STAT5B: variants seen among roughly 807,000 people sequenced by gnomAD.
STAT5B encodes the protein transcription factor STAT5B.
STAT5B carries 21 observed loss-of-function variants against 107.8 expected under a neutral mutation model. That is an observed-to-expected ratio of 0.19 (90% CI 0.14 to 0.28). The LOEUF is 0.28. STAT5B is among the 10% of genes least tolerant of loss of function. The pLI, the probability that STAT5B is intolerant of heterozygous loss-of-function variation, is 1.00. For missense variants in STAT5B, 565 were observed against 1,008.2 expected (o/e 0.56, Z 5.95); for synonymous variants, 325 against 401.7 (o/e 0.81, Z 2.28).
intron 1 of STAT5B, 53 bp from the exon 2 acceptor site, chr17:42,232,190 C>A: frequency 1.9e-6 from 3 of 1,592,930 alleles, no homozygotes; most frequent in Non-Finnish European, 2.6e-6. Flanking sequence ...TTTCCCCTTA[C>A]ATCCACCAGA....
intron 1 of STAT5B, among the ~76,000 whole-genome samples, chr17:42,257,980 T>C (rs1179340315): frequency 6.6e-6 from 1 of 152,226 alleles, no homozygotes; most frequent in Admixed American, 6.5e-5. Flanking sequence ...TTATAATGAA[T>C]TTTAAATCAA....
intron 13 of STAT5B, among the ~76,000 whole-genome samples, chr17:42,211,497 ACT>A (rs1198551075): frequency 2.6e-5 from 4 of 151,722 alleles, no homozygotes; most frequent in Non-Finnish European, 5.9e-5. Context: ...CAAGAGCGAA[ACT>A]CTGTCTCAAA....
chr17:42,230,870 C>T (rs1333833892), intron 2 of STAT5B, among the ~76,000 whole-genome samples: 2 of 152,012 alleles, frequency 1.3e-5, no homozygotes, highest in East Asian at 3.9e-4. Context: ...CCATGTTGGC[C>T]AGGCTTGTCT....
chr17:42,268,447 G>A (rs1344738478), intron 1 of STAT5B: 4 of 152,074 alleles, frequency 2.6e-5, no homozygotes, highest in Admixed American at 6.6e-5. Context: ...TGACAAAATC[G>A]CCTAATGCAT....
At chr17:42,208,153 A>G (rs1214647185) in intron 15 of STAT5B, among the ~76,000 whole-genome samples, 1 of 151,974 alleles carries the variant, frequency 6.6e-6, no homozygotes, top group Non-Finnish European at 1.5e-5. Context: ...CAGCCTCCCA[A>G]AGTGCTGGGA....
chr17:42,227,535 C>T lies in STAT5B; in HGVS notation c.279G>A (p.Gln93=). Residue 93 remains glutamine, a synonymous_variant, in exon 3 of 19, where the codon CAG becomes CAA. Transcript: ENST00000293328. ...CCCCAGAGCCCACACCCACCTGGAGCTGTGTGGCATAGTGCCCCAGCTTGA... is the reference window on the plus strand; with the variant it reads ...CCCCAGAGCCCACACCCACCTGGAGTTGTGTGGCATAGTGCCCCAGCTTGA... ...LKIKLGHYAT[Q]LQNTYDRCPM... 1 of 1,613,268 alleles carries T rather than the reference C, an allele frequency of 6.2e-7. No individual in the cohort carries two copies. The highest frequency in any genetic ancestry group is 8.5e-7 in the Non-Finnish European group (1 of 1,179,844).
upstream of STAT5B, among the ~76,000 whole-genome samples, chr17:42,278,533 T>G (rs952490953): frequency 6.6e-6 from 1 of 152,038 alleles, no homozygotes; most frequent in African/African-American, 2.4e-5. Flanking sequence ...TTTATTTTTA[T>G]TTTTTGGAGA....
rs1207609976 is a variant in STAT5B at position 42,216,065 on chromosome 17, C to T, written c.1422G>A (p.Gln474=). The stretch of plus-strand genomic sequence containing the variant: ...GAACAGTGGCCGTCGCATTGTTGTC[C>T]TGGCTGCCATGAACGATCACCACCA... ...LPVVVIVHGS[Q]DNNATATVLW... Residue 474 remains glutamine, a synonymous_variant, in exon 12 of 19, where the codon CAG becomes CAA. Transcript: ENST00000293328. 4 of 1,613,948 alleles carry T rather than the reference C, an allele frequency of 2.5e-6. No homozygotes were observed. The highest frequency in any genetic ancestry group is 2.5e-6 in the Non-Finnish European group (3 of 1,179,978).
At chr17:42,271,684 A>C (rs547209650) in intron 1 of STAT5B, 1 of 152,338 alleles carries the variant, frequency 6.6e-6, no homozygotes, top group African/African-American at 2.4e-5. Context: ...AGAAAAAGAT[A>C]AATGTTCTTC....
At chr17:42,243,414 T>C (rs556156626) in intron 1 of STAT5B, among the ~76,000 whole-genome samples, 26 of 152,280 alleles carry the variant, frequency 1.7e-4, no homozygotes, top group Non-Finnish European at 2.4e-4. Flanking sequence ...ATATTAGATA[T>C]TACTTTATCA....
intron 2 of STAT5B, among the ~76,000 whole-genome samples, chr17:42,229,338 C>T (rs1176992863): frequency 1.8e-4 from 27 of 151,504 alleles, no homozygotes; most frequent in Non-Finnish European, 4.4e-5. Context: ...TTAATAGAGA[C>T]GGGGTTTTAC....
At chr17:42,218,935 G>A (rs2080198769) in intron 7 of STAT5B, 57 bp from the exon 8 acceptor site, 3 of 1,613,308 alleles carry the variant, frequency 1.9e-6, no homozygotes, top group South Asian at 1.1e-5. Context: ...ACAGACGCCA[G>A]GCCCCAAGAC....
intron 16 of STAT5B, among the ~76,000 whole-genome samples, chr17:42,206,241 C>T (rs1245242879): frequency 6.6e-6 from 1 of 152,070 alleles, no homozygotes. Context: ...AGGCGCCCAC[C>T]ACCACACCTG....
rs1210899470 is a variant in STAT5B at position 42,221,966 on chromosome 17, TGTGTGGTGTGTGTGTGCTGTGTGTG to T, written c.550+1391_550+1415del. Reference sequence around the variant, plus strand: ...GTATGTGTGGTGTGTGTGTGTGCTATGTGTGGTGTGTGTGTGCTGTGTGTGGTGTGGTGTGTGTGTGCTGTGTGTG... The same window carrying T: ...GTATGTGTGGTGTGTGTGTGTGCTATGTGTGGTGTGTGTGTGCTGTGTGTG... On this transcript the variant is annotated intron_variant, in intron 5 of 18. Coordinates refer to ENST00000293328, the MANE Select transcript of STAT5B (RefSeq NM_012448.4). Among the ~76,000 whole-genome samples the T allele has an allele frequency of 6.3e-3, 893 of 142,874 alleles. 9 individuals carry two copies. Among genetic ancestry groups the T allele is most frequent in the African/African-American group, 0.017 (653 of 38,026 alleles). The allele number at this position is 142,874 out of a possible 152,430, so 93.7% of individuals were successfully genotyped here.
chr17:42,270,271 T>C (rs565980324), intron 1 of STAT5B, among the ~76,000 whole-genome samples: 2 of 152,276 alleles, frequency 1.3e-5, no homozygotes, highest in East Asian at 1.9e-4. Context: ...TCAGAAATCA[T>C]GACTAATGCT....
chr17:42,202,824 T>C lies in STAT5B; in HGVS notation c.2078-16A>G. On this transcript the variant is annotated splice_polypyrimidine_tract_variant and intron_variant, in intron 16 of 18. Transcript: ENST00000293328. ...ACAGCTTTAGCTGCCAAGGGAAGAA[T>C]GTAGTAAATCAAAGTTCTCAAGTGA... 1 of 1,614,228 alleles carries C rather than the reference T, an allele frequency of 6.2e-7. No individual in the cohort carries two copies. Among genetic ancestry groups the C allele is most frequent in the Admixed American group, 1.7e-5 (1 of 60,024 alleles).
chr17:42,251,998 CAAA>C (rs78151719), intron 1 of STAT5B, among the ~76,000 whole-genome samples: 5 of 69,414 alleles, frequency 7.2e-5, no homozygotes, highest in East Asian at 8.6e-4. Context: ...GGCTCCGTCT[CAAA>C]AAAAAAAAAA....
intron 1 of STAT5B, among the ~76,000 whole-genome samples, chr17:42,253,140 T>TTTCTTTCTTTCTTTCTTTC (rs550252928): frequency 6.7e-6 from 1 of 148,668 alleles, no homozygotes; most frequent in African/African-American, 2.6e-5. Flanking sequence ...TTCTTTCTTT[T>TTTCTTTCTTTCTTTCTTTC]TTTCATCTCT....
the STAT5B span, among the ~76,000 whole-genome samples, chr17:42,281,905 A>G: frequency 4.6e-5 from 7 of 152,324 alleles, no homozygotes; most frequent in South Asian, 1.4e-3. Context: ...CACTGCAGCC[A>G]GTATCTTGCT....
Sources: gnomAD v4.1 joint callset for allele counts (sites outside exome capture counted in the v4.1 genomes callset) on GRCh38, gnomAD v4.1.1 for gene constraint, MANE v1.5 for transcripts, NCBI Gene and HGNC (gene_info 2026-07-23, HGNC 2026-07-21) for gene names.